The following VAV2 variants were observed in gnomAD, a reference collection of about 807,000 sequenced individuals.
VAV2 encodes the protein guanine nucleotide exchange factor VAV2.
A neutral mutation model predicts 132.5 loss-of-function variants in VAV2; 67 were observed. The ratio of observed to expected loss-of-function variants is 0.51; its 90% confidence interval spans 0.42 to 0.62. The LOEUF (loss-of-function observed/expected upper bound fraction) is 0.62. Among genes scored for constraint, VAV2 ranks in the 20% least tolerant of loss-of-function variants. The pLI is 0.00. For missense variants in VAV2, 938 were observed against 1,153.6 expected (o/e 0.81, Z 2.71); for synonymous variants, 492 against 443.5 (o/e 1.11, Z -1.37).
chr9:133,889,049 G>A (rs1470391653), intron 2 of VAV2, among the ~76,000 whole-genome samples: 1 of 152,196 alleles, frequency 6.6e-6, no homozygotes, highest in East Asian at 1.9e-4. Context: ...TCTTTGCTGA[G>A]ATCAAGATGG....
At position 133,885,025 on chromosome 9, in the gene VAV2, C is replaced by T. The variant is rs776734542; in HGVS notation, c.322-23593G>A. ...TAATGCCAAAGGCTCCACTTCCAGG[C>T]CGATGACACCATCTGAGCCAGCCAC... On this transcript the variant is annotated intron_variant, in intron 2 of 29. Transcript: ENST00000371850. This position sits in a 1 kb window ranked among gnomAD's most constrained non-coding sequence, Gnocchi z 5.0. 6.6e-6 allele frequency among the ~76,000 whole-genome samples: 1 copy of T among 152,240 alleles called. No individual in the cohort carries two copies. The highest frequency in any genetic ancestry group is 1.5e-5 in the Non-Finnish European group (1 of 68,046).
At chr9:133,965,337 A>G (rs1221863951) in intron 1 of VAV2, among the ~76,000 whole-genome samples, 2 of 151,822 alleles carry the variant, frequency 1.3e-5, no homozygotes, top group Non-Finnish European at 2.9e-5. Context: ...AAAAAAAATA[A>G]TAATAACAAA....
At chr9:133,862,983 A>T (rs1166789081) in intron 2 of VAV2, among the ~76,000 whole-genome samples, 1 of 152,176 alleles carries the variant, frequency 6.6e-6, no homozygotes, top group Non-Finnish European at 1.5e-5. Context: ...AGCTGGGGTC[A>T]TGGAAGGACA....
rs1277553624 is a variant in VAV2, at chr9:133,884,108, C to T, written c.322-22676G>A. 1.3e-5 allele frequency among the ~76,000 whole-genome samples: 2 copies of T among 151,774 alleles called. No individual in the cohort carries two copies. The highest frequency in any genetic ancestry group is 2.9e-5 in the Non-Finnish European group (2 of 67,966). ...CGGAGGTTGCAGTGAGCTGAGATTG[C>T]GCCACTGCATTCCAGCCTGGCAACA... is the stretch of plus-strand genomic sequence containing the variant. On this transcript the variant is annotated intron_variant, in intron 2 of 29. Coordinates refer to ENST00000371850, the MANE Select transcript of VAV2 (RefSeq NM_001134398.2). This position sits in a 1 kb window ranked among gnomAD's most constrained non-coding sequence, Gnocchi z 5.3.
chr9:133,975,646 C>A (rs1463328465), intron 1 of VAV2, among the ~76,000 whole-genome samples: 1 of 151,992 alleles, frequency 6.6e-6, no homozygotes, highest in Non-Finnish European at 1.5e-5. Context: ...AGTCTCTGAG[C>A]CCCCAGCCTG....
chr9:133,841,712 G>A (rs1302610579), intron 3 of VAV2, among the ~76,000 whole-genome samples: 1 of 152,212 alleles, frequency 6.6e-6, no homozygotes, highest in Non-Finnish European at 1.5e-5. Context: ...GCTTCTGCAG[G>A]TAATGGGTCT....
rs1834320136 is a variant in VAV2 at position 133,788,407 on chromosome 9, G to A, written c.1354C>T (p.Leu452=). 6.2e-7 allele frequency: 1 copy of A among 1,612,212 alleles called. No homozygotes were observed. Among genetic ancestry groups the A allele is most frequent in the Admixed American group, 1.7e-5 (1 of 59,982 alleles). ...TCGTCGGTCATCTTGTGGAACAGCA[G>A]CTCGATGATCTCCTTGAGCTCGTAG... The part of the protein sequence containing the change: ...YSYELKEIIE[L]LFHKMTDDPM... The change falls in exon 15 of 30, where the codon CTG becomes TTG. Residue 452 remains leucine, a synonymous_variant. Coordinates refer to ENST00000371850, the MANE Select transcript of VAV2 (RefSeq NM_001134398.2). This position sits in a 1 kb window ranked among gnomAD's most constrained non-coding sequence, Gnocchi z 5.3.
At chr9:133,808,667 G>C (rs1377669033) in intron 7 of VAV2, among the ~76,000 whole-genome samples, 1 of 152,234 alleles carries the variant, frequency 6.6e-6, no homozygotes, top group East Asian at 1.9e-4. Flanking sequence ...CCATTTTACA[G>C]ATGGGGAGGC....
intron 1 of VAV2, among the ~76,000 whole-genome samples, chr9:133,958,342 A>G (rs929542500): frequency 4.8e-5 from 7 of 146,742 alleles, no homozygotes; most frequent in African/African-American, 1.5e-4. Flanking sequence ...TGAGATAGGG[A>G]AAAACCGCCT....
chr9:133,897,600 C>T (rs1839263356), intron 2 of VAV2, among the ~76,000 whole-genome samples: 1 of 152,124 alleles, frequency 6.6e-6, no homozygotes, highest in South Asian at 2.1e-4. Flanking sequence ...TGCTGTCTCC[C>T]CACCTCCGCA....
At chr9:133,873,130 G>A (rs916500651) in intron 2 of VAV2, among the ~76,000 whole-genome samples, 1 of 151,288 alleles carries the variant, frequency 6.6e-6, no homozygotes, top group African/African-American at 2.4e-5. Flanking sequence ...GAGGGAGGAA[G>A]GAAGACAGGA....
chr9:133,901,218 C>T (rs1015542939), intron 2 of VAV2, among the ~76,000 whole-genome samples: 2 of 152,230 alleles, frequency 1.3e-5, no homozygotes, highest in African/African-American at 4.8e-5. Context: ...AAGCACCACT[C>T]CGGGGGCCCA....
At chr9:133,990,261 G>A (rs538387512) in intron 1 of VAV2, among the ~76,000 whole-genome samples, 4 of 152,142 alleles carry the variant, frequency 2.6e-5, no homozygotes, top group Admixed American at 1.3e-4. Flanking sequence ...GCCCAGCAGC[G>A]GGACCCCTAG....
rs1836403282 is a variant in VAV2, at chr9:133,834,863, C to A, written c.381-523G>T. 6.6e-6 allele frequency among the ~76,000 whole-genome samples: 1 copy of A among 152,144 alleles called. No individual in the cohort carries two copies. The highest frequency in any genetic ancestry group is 1.5e-5 in the Non-Finnish European group (1 of 68,020). On this transcript the variant is annotated intron_variant, in intron 3 of 29. Coordinates refer to ENST00000371850, the MANE Select transcript of VAV2 (RefSeq NM_001134398.2). This position sits in a 1 kb window ranked among gnomAD's most constrained non-coding sequence, Gnocchi z 5.9. ...ACCCACGCCACCCACCAGCCACTGG[C>A]TTGAGGTCAGGAAGAGAGTCCCGAA...
At chr9:133,771,076 T>TG (rs1016110877) in intron 26 of VAV2, among the ~76,000 whole-genome samples, 5 of 149,768 alleles carry the variant, frequency 3.3e-5, no homozygotes, top group Admixed American at 1.3e-4. Flanking sequence ...TTTTTTTTTT[T>TG]TTTTTGAGAC....
chr9:133,865,523 A>G (rs1378859623), intron 2 of VAV2, among the ~76,000 whole-genome samples: 1 of 151,784 alleles, frequency 6.6e-6, no homozygotes, highest in Non-Finnish European at 1.5e-5. Context: ...TTTTCATTTC[A>G]ACAATCTCAA....
intron 2 of VAV2, among the ~76,000 whole-genome samples, chr9:133,868,161 A>G (rs1464473861): frequency 6.6e-6 from 1 of 152,160 alleles, no homozygotes; most frequent in African/African-American, 2.4e-5. Flanking sequence ...GCTGCCCTCC[A>G]TGCTTCTCGA....
chr9:133,815,459 A>G (rs991693214), intron 4 of VAV2, among the ~76,000 whole-genome samples: 10 of 151,996 alleles, frequency 6.6e-5, no homozygotes, highest in Admixed American at 1.3e-4. Flanking sequence ...CTTCCCCATC[A>G]GTCTCCTTCC....
At chr9:133,985,478 C>T (rs1170934633) in intron 1 of VAV2, among the ~76,000 whole-genome samples, 2 of 152,156 alleles carry the variant, frequency 1.3e-5, no homozygotes, top group Non-Finnish European at 2.9e-5. Context: ...GACGAGGTTT[C>T]GCCATATTGG....
Sources: allele counts gnomAD v4.1 joint callset (sites outside exome capture counted in the v4.1 genomes callset), GRCh38; gene constraint gnomAD v4.1.1; non-coding constraint Gnocchi (gnomAD v3.1); transcripts MANE v1.5; gene names NCBI Gene and HGNC (gene_info 2026-07-23, HGNC 2026-07-21).